AGAP1: variants seen among roughly 807,000 people sequenced by gnomAD.
The protein encoded by AGAP1 is ArfGAP with GTPase domain, ankyrin repeat and PH domain 1.
In AGAP1, 29 loss-of-function variants were observed where a neutral mutation model predicts 105.3. That is an observed-to-expected ratio of 0.28 (90% CI 0.21 to 0.38). The LOEUF (loss-of-function observed/expected upper bound fraction) is 0.38, where lower values mean the gene tolerates loss of function less well. Among genes scored for constraint, AGAP1 ranks in the 10% least tolerant of loss-of-function variants. AGAP1 has a pLI of 1.00. For missense variants in AGAP1, 998 were observed against 1,165.1 expected (o/e 0.86, Z 2.09); for synonymous variants, 509 against 485.9 (o/e 1.05, Z -0.63).
intron 1 of AGAP1, among the ~76,000 whole-genome samples, chr2:235,645,085 A>G (rs537555885): frequency 4.7e-4 from 71 of 152,162 alleles, no homozygotes; most frequent in Admixed American, 3.2e-3. Context: ...TAGTAGAGAC[A>G]GGGTTTTACC....
At chr2:235,910,764 A>C (rs1480082324) in intron 11 of AGAP1, among the ~76,000 whole-genome samples, 2 of 152,152 alleles carry the variant, frequency 1.3e-5, no homozygotes, top group Admixed American at 6.5e-5. Flanking sequence ...CTAAAAATAC[A>C]AAATTAGCTG....
In AGAP1 at chr2:235,983,177, G is replaced by T. The variant is rs941675647; in HGVS notation, c.1645+14554G>T. On this transcript the variant is annotated intron_variant, in intron 13 of 17. Transcript: ENST00000304032. This position sits in a 1 kb window ranked among gnomAD's most constrained non-coding sequence, Gnocchi z 4.5. Reference sequence around the variant, plus strand: ...GACGACCCCAGAGAAGGGACAGGATGGGGGGTTATGGAAGTGCCCAGCAAG... The same window carrying T: ...GACGACCCCAGAGAAGGGACAGGATTGGGGGTTATGGAAGTGCCCAGCAAG... Among the ~76,000 whole-genome samples, 2 of 152,110 alleles carry T rather than the reference G, an allele frequency of 1.3e-5. No homozygotes were observed. The highest frequency in any genetic ancestry group is 4.8e-5 in the African/African-American group (2 of 41,434).
Position 235,667,133 on chromosome 2 carries a change from G to A in AGAP1, c.164-42046G>A, listed in dbSNP as rs1948152436. ...CGGGATGGCCCTGTAGCTGTCTCTG[G>A]GATTATCGCGAAGCTTTTCTCTCCC... On this transcript the variant is annotated intron_variant, in intron 1 of 17. Coordinates refer to ENST00000304032, the MANE Select transcript of AGAP1 (RefSeq NM_001037131.3). 2.0e-5 allele frequency among the ~76,000 whole-genome samples: 3 copies of A among 152,232 alleles called. No individual in the cohort carries two copies. The South Asian group carries it at 6.2e-4, about 32-fold the overall frequency.
At chr2:235,800,661 C>T (rs1480207342) in intron 8 of AGAP1, among the ~76,000 whole-genome samples, 1 of 152,212 alleles carries the variant, frequency 6.6e-6, no homozygotes, top group Admixed American at 6.5e-5. Context: ...TGCTTCTGAA[C>T]CAGGGTGGTT....
intron 16 of AGAP1, among the ~76,000 whole-genome samples, chr2:236,086,351 C>T (rs1209043078): frequency 6.6e-6 from 1 of 152,172 alleles, no homozygotes; most frequent in Non-Finnish European, 1.5e-5. Context: ...AAAAGTTAAA[C>T]TGATTTATGC....
chr2:235,986,068 C>A (rs1024535507), intron 13 of AGAP1, among the ~76,000 whole-genome samples: 1 of 152,142 alleles, frequency 6.6e-6, no homozygotes, highest in African/African-American at 2.4e-5. Flanking sequence ...GCAGTATGGC[C>A]ATTTTCATGA....
At chr2:235,536,724 G>A (rs1428392504) in intron 1 of AGAP1, among the ~76,000 whole-genome samples, 2 of 151,884 alleles carry the variant, frequency 1.3e-5, no homozygotes, top group East Asian at 1.9e-4. Flanking sequence ...TGAGGTCTGC[G>A]AAGACGTCTT....
At chr2:235,669,497 G>A in intron 1 of AGAP1, 1 of 151,112 alleles carries the variant, frequency 6.6e-6, no homozygotes, top group Non-Finnish European at 1.5e-5. Context: ...ACGCCGCCGC[G>A]CTCGCCGCCG....
chr2:235,699,111 G>A (rs1950136663), intron 1 of AGAP1, among the ~76,000 whole-genome samples: 1 of 151,842 alleles, frequency 6.6e-6, no homozygotes, highest in Admixed American at 6.6e-5. Flanking sequence ...GGAGGGACGG[G>A]GAGGCAGGAG....
intron 8 of AGAP1, among the ~76,000 whole-genome samples, chr2:235,804,075 A>G (rs1957716888): frequency 1.3e-5 from 2 of 152,218 alleles, no homozygotes; most frequent in Admixed American, 1.3e-4. Context: ...CTACGCTGCT[A>G]CTGCAAGAAA....
chr2:235,653,262 G>A (rs542548322), intron 1 of AGAP1, among the ~76,000 whole-genome samples: 1 of 151,966 alleles, frequency 6.6e-6, no homozygotes, highest in Non-Finnish European at 1.5e-5. Flanking sequence ...TCAGGAGATC[G>A]AGACCATCCT....
chr2:235,982,853 C>T lies in AGAP1; in HGVS notation c.1645+14230C>T, dbSNP rs1160746621. Among the ~76,000 whole-genome samples the T allele has an allele frequency of 2.6e-5, 4 of 152,218 alleles. No individual in the cohort carries two copies. Among genetic ancestry groups the T allele is most frequent in the Admixed American group, 2.6e-4 (4 of 15,284 alleles). On this transcript the variant is annotated intron_variant, in intron 13 of 17. Transcript: ENST00000304032. The surrounding 1 kb of genome is among the most constrained non-coding windows in gnomAD (Gnocchi z 4.9). Reference sequence around the variant, plus strand: ...GTTACCTTCTGTTTCTGATTGCCAGCTCATCAGCTTAGTTTGCCCAGGAGA... The same window carrying T: ...GTTACCTTCTGTTTCTGATTGCCAGTTCATCAGCTTAGTTTGCCCAGGAGA...
intron 13 of AGAP1, among the ~76,000 whole-genome samples, chr2:236,004,152 A>T (rs891328317): frequency 6.6e-6 from 1 of 152,164 alleles, no homozygotes; most frequent in Admixed American, 6.5e-5. Context: ...GTCTCAGGAA[A>T]GATGCTCATT....
chr2:235,812,342 C>T lies in AGAP1; in HGVS notation c.1050+5011C>T, dbSNP rs186533357. Among the ~76,000 whole-genome samples, 6 of 152,332 alleles carry T rather than the reference C, an allele frequency of 3.9e-5. No homozygotes were observed. The East Asian group carries it at 1.2e-3, about 29-fold the overall frequency. ...GGGGCAAGCCCGCCGCACCCGCCAT[C>T]GGGCCTGTGAACTGTTTTGAAGCTG... On this transcript the variant is annotated intron_variant, in intron 9 of 17. Transcript: ENST00000304032.
At chr2:235,624,468 C>T (rs1475921034) in intron 1 of AGAP1, among the ~76,000 whole-genome samples, 2 of 152,212 alleles carry the variant, frequency 1.3e-5, no homozygotes. Context: ...AATGGAAAAA[C>T]AATTGTTCTG....
chr2:235,749,454 G>A (rs560470333), intron 5 of AGAP1, among the ~76,000 whole-genome samples: 10 of 151,834 alleles, frequency 6.6e-5, no homozygotes, highest in African/African-American at 9.7e-5. Context: ...AAACGCCCCC[G>A]TGTGCACACA....
At chr2:235,861,799 C>T (rs2106513810) in intron 9 of AGAP1, among the ~76,000 whole-genome samples, 1 of 152,340 alleles carries the variant, frequency 6.6e-6, no homozygotes, top group East Asian at 1.9e-4. Context: ...CTTCTCTGTG[C>T]ATATCTGTAT....
rs562619840 is a variant in AGAP1, at chr2:236,069,644, G to C, written c.2114+20363G>C. Among the ~76,000 whole-genome samples, 3 of 151,530 alleles carry C rather than the reference G, an allele frequency of 2.0e-5. No homozygotes were observed. The South Asian group carries it at 6.2e-4, about 31-fold the overall frequency. ...TCACCATGTTGGCCAGGCTGGTCTT[G>C]AACGCCTGACCTCAAGTGATCTGCC... On this transcript the variant is annotated intron_variant, in intron 16 of 17. Transcript: ENST00000304032.
Position 235,750,342 on chromosome 2 carries a change from CT to C in AGAP1, c.539-10del. ...TGTCACTGTGCCGTTACTTTTTGGT[CT>C]TCTGTTCCAGATGCCATAAGTTCTG... On this transcript the variant is annotated splice_polypyrimidine_tract_variant and intron_variant, in intron 5 of 17. Transcript: ENST00000304032. This position sits in a 1 kb window ranked among gnomAD's most constrained non-coding sequence, Gnocchi z 5.3. 4 of 1,613,990 alleles carry C rather than the reference CT, an allele frequency of 2.5e-6. No homozygotes were observed. The highest frequency in any genetic ancestry group is 3.4e-6 in the Non-Finnish European group (4 of 1,179,914).
Sources: gnomAD v4.1 joint callset for allele counts (sites outside exome capture counted in the v4.1 genomes callset) on GRCh38, gnomAD v4.1.1 for gene constraint, Gnocchi (gnomAD v3.1) non-coding constraint, MANE v1.5 for transcripts, NCBI Gene and HGNC (gene_info 2026-07-23, HGNC 2026-07-21) for gene names.